ZDHHC16: variants seen among roughly 807,000 people sequenced by gnomAD.
The protein encoded by ZDHHC16 is palmitoyltransferase ZDHHC16.
A neutral mutation model predicts 54.4 loss-of-function variants in ZDHHC16; 33 were observed. The observed-to-expected ratio is 0.61, with a 90% CI of 0.46 to 0.81. ZDHHC16 has a LOEUF of 0.81. Among genes scored for constraint, ZDHHC16 ranks in the 30% least tolerant of loss-of-function variants. The probability of loss-of-function intolerance (pLI) is 0.00; values close to 1 mark genes in which losing one functional copy is unlikely to be tolerated. For synonymous variants in ZDHHC16, 185 were observed against 182.1 expected (o/e 1.02, Z -0.13); for missense variants, 420 against 485.9 (o/e 0.86, Z 1.28).
At position 97,456,993 on chromosome 10, in the gene ZDHHC16, C is replaced by A; in HGVS notation, c.*102C>A. The A allele has an allele frequency of 1.1e-6, 1 of 899,266 alleles. No homozygotes were observed. The highest frequency in any genetic ancestry group is 1.6e-6 in the Non-Finnish European group (1 of 613,382). The allele number at this position is 899,266 out of a possible 1,614,324, so 55.7% of individuals were successfully genotyped here. A position where few individuals can be genotyped will look rare whatever the true frequency, so the allele number is the denominator to read the frequency against. On this transcript the variant is annotated 3_prime_UTR_variant, in exon 12 of 12. Transcript: ENST00000393760. Reference sequence around the variant, plus strand: ...TCTCAGAATCCTTGATCAAAAAGAGCCAGTGGGCCTGCCTTAGGGTACCAT... The same window carrying A: ...TCTCAGAATCCTTGATCAAAAAGAGACAGTGGGCCTGCCTTAGGGTACCAT...
chr10:97,448,068 C>G (rs1821676205), intron 1 of ZDHHC16: 1 of 152,230 alleles, frequency 6.6e-6, no homozygotes, highest in African/African-American at 2.4e-5. Context: ...ATCTGTGCGT[C>G]TAGGAGCTTT....
Position 97,453,573 on chromosome 10 carries a change from C to G in ZDHHC16, c.600C>G (p.Phe200Leu). 6.2e-7 allele frequency: 1 copy of G among 1,614,198 alleles called. No individual in the cohort carries two copies. The highest frequency in any genetic ancestry group is 8.5e-7 in the Non-Finnish European group (1 of 1,180,040). Residue 200 changes from phenylalanine to leucine, a missense_variant, in exon 7 of 12, where the codon TTC becomes TTG. Coordinates refer to ENST00000393760, the MANE Select transcript of ZDHHC16 (RefSeq NM_198046.3). ...TGGGCCACTATAACCATCGGTACTT[C>G]TTCTCTTTCTGCTTTTTCATGACTC... The part of the protein sequence containing the change: ...NCVGHYNHRY[F>L]FSFCFFMTLG...
chr10:97,452,426 T>A lies in ZDHHC16; in HGVS notation c.450T>A (p.Asp150Glu). 1 of 1,614,136 alleles carries A rather than the reference T, an allele frequency of 6.2e-7. No homozygotes were observed. The highest frequency in any genetic ancestry group is 8.5e-7 in the Non-Finnish European group (1 of 1,180,012). Residue 150 changes from aspartate to glutamate, a missense_variant, in exon 5 of 12, where the codon GAT becomes GAA. Physicochemically the swap from Asp to Glu is conservative, Grantham distance 45. Transcript: ENST00000393760. Reference protein sequence around the residue: ...PPGYPPQGRNDIATVSICKKC... With the variant: ...PPGYPPQGRNEIATVSICKKC... ...CTCCCTTCACACAGGGCAGGAATGATATCGCCACCGTCTCCATCTGTAAGA... is the reference window on the plus strand; with the variant it reads ...CTCCCTTCACACAGGGCAGGAATGAAATCGCCACCGTCTCCATCTGTAAGA...
At position 97,452,880 on chromosome 10, in the gene ZDHHC16, G is replaced by T; in HGVS notation, c.528-15G>T. 1 of 1,614,212 alleles carries T rather than the reference G, an allele frequency of 6.2e-7. No homozygotes were observed. Among genetic ancestry groups the T allele is most frequent in the Non-Finnish European group, 8.5e-7 (1 of 1,180,032 alleles). Reference sequence around the variant, plus strand: ...CTTTGGCCACCGTAACAGAGCCTGTGTCCCTTCCTCACAGGTGTGTGCTGA... The same window carrying T: ...CTTTGGCCACCGTAACAGAGCCTGTTTCCCTTCCTCACAGGTGTGTGCTGA... On this transcript the variant is annotated splice_polypyrimidine_tract_variant and intron_variant, in intron 5 of 11. Coordinates refer to ENST00000393760, the MANE Select transcript of ZDHHC16 (RefSeq NM_198046.3).
intron 5 of ZDHHC16, 188 bp from the exon 6 acceptor site, chr10:97,452,707 G>A: frequency 2.1e-6 from 2 of 934,530 alleles, no homozygotes; most frequent in Non-Finnish European, 1.6e-6. Context: ...GGTTTGGAGA[G>A]ATGAGTTACC....
intron 2 of ZDHHC16, chr10:97,451,300 C>T (rs1782838277): frequency 4.8e-6 from 1 of 209,158 alleles, no homozygotes; most frequent in Non-Finnish European, 9.6e-6. Context: ...ACACTCCACC[C>T]AAAAGTCTGT....
intron 9 of ZDHHC16, 101 bp from the exon 10 acceptor site, chr10:97,455,554 TAGGTA>T (rs748327665): frequency 8.3e-5 from 131 of 1,578,092 alleles, no homozygotes; most frequent in Non-Finnish European, 1.1e-4. Context: ...GAGGAAGACT[TAGGTA>T]GAGAGGTTCC....
At position 97,451,724 on chromosome 10, in the gene ZDHHC16, C is replaced by G. The variant is rs376949987; in HGVS notation, c.49C>G (p.Arg17Gly). Reference protein sequence around the residue: ...LLLGPARLCLRLLLLLGYRRR... With the variant: ...LLLGPARLCLGLLLLLGYRRR... ...GCTGGGCCCGGCCCGCCTCTGCCTC[C>G]GCCTCCTTCTGCTGCTGGGTTACAG... is the stretch of plus-strand genomic sequence containing the variant. The change falls in exon 3 of 12, where the codon CGC (arginine) becomes GGC (glycine). Residue 17 changes from arginine to glycine, a missense_variant. Arg to Gly is a moderately radical substitution (Grantham distance 125). Transcript: ENST00000393760. 1.7e-5 allele frequency: 28 copies of G among 1,613,210 alleles called. No homozygotes were observed. Among genetic ancestry groups the G allele is most frequent in the African/African-American group, 2.7e-5 (2 of 74,928 alleles).
intron 11 of ZDHHC16, 118 bp from the exon 12 acceptor site, chr10:97,456,659 C>T: frequency 1.4e-6 from 1 of 698,206 alleles, no homozygotes. Flanking sequence ...ACTTTTGTTA[C>T]TTTCATGATT....
intron 2 of ZDHHC16, 51 bp from the exon 3 acceptor site, chr10:97,451,620 G>A (rs1846618325): frequency 6.4e-7 from 1 of 1,565,282 alleles, no homozygotes. Context: ...CCACTAGCGG[G>A]GTAGGGAGGG....
intron 1 of ZDHHC16, chr10:97,448,143 G>A (rs1039649834): frequency 2.0e-5 from 3 of 152,196 alleles, no homozygotes; most frequent in African/African-American, 7.2e-5. Context: ...TAGCTCCTAA[G>A]TGCCATGATT....
chr10:97,446,417 C>T, intron 1 of ZDHHC16, 64 bp downstream of exon 1: 1 of 242,330 alleles, frequency 4.1e-6, no homozygotes, highest in Non-Finnish European at 8.1e-6. Context: ...GGGCACTGCC[C>T]TGGGGCCTTG....
At position 97,450,354 on chromosome 10, in the gene ZDHHC16, A is replaced by G; in HGVS notation, c.-185-3A>G. On this transcript the variant is annotated splice_region_variant and splice_polypyrimidine_tract_variant and intron_variant, in intron 1 of 11. Coordinates refer to ENST00000393760, the MANE Select transcript of ZDHHC16 (RefSeq NM_198046.3). The stretch of plus-strand genomic sequence containing the variant: ...GGAGGTAATTAAGTGTTTTCTTTGA[A>G]AGGTCTTTTGTGGGGATGAGCCAGG... 6.6e-6 allele frequency: 1 copy of G among 152,340 alleles called. No individual in the cohort carries two copies. The highest frequency in any genetic ancestry group is 1.5e-5 in the Non-Finnish European group (1 of 68,120). The allele number at this position is 152,340 out of a possible 1,614,324, so 9.4% of individuals were successfully genotyped here.
At chr10:97,454,588 ACTC>A in intron 8 of ZDHHC16, 123 bp from the exon 9 acceptor site, 1 of 853,562 alleles carries the variant, frequency 1.2e-6, no homozygotes, top group Non-Finnish European at 1.9e-6. Context: ...TGCTACCCTA[ACTC>A]CTCTGTGGCT....
At chr10:97,456,708 G>A in intron 11 of ZDHHC16, 69 bp from the exon 12 acceptor site, 1 of 1,178,352 alleles carries the variant, frequency 8.5e-7, no homozygotes. Flanking sequence ...ATGTATGCTT[G>A]TTAAGGAATG....
chr10:97,452,824 T>G, intron 5 of ZDHHC16, 71 bp from the exon 6 acceptor site: 1 of 1,601,460 alleles, frequency 6.2e-7, no homozygotes, highest in Non-Finnish European at 8.6e-7. Flanking sequence ...CTGGTCCTTG[T>G]AGGGAAGGAT....
In ZDHHC16 at chr10:97,453,826, C is replaced by G. The variant is rs775122953; in HGVS notation, c.718C>G (p.Leu240Val). ...EKMKQLDKNK[L>V]QAVANQTYHQ... is the part of the protein sequence containing the mutation. Reference sequence around the variant, plus strand: ...AATGAAACAGCTCGACAAGAACAAACTACAGGCGGTTGCCAACCAGGTGGG... The same window carrying G: ...AATGAAACAGCTCGACAAGAACAAAGTACAGGCGGTTGCCAACCAGGTGGG... The change falls in exon 8 of 12, where the codon CTA becomes GTA. Residue 240 changes from leucine (L) to valine (V), a missense_variant. By Grantham distance (32) the Leu-to-Val change is conservative. Transcript: ENST00000393760. 1.2e-6 allele frequency: 2 copies of G among 1,614,230 alleles called. No homozygotes were observed. Among genetic ancestry groups the G allele is most frequent in the Admixed American group, 1.7e-5 (1 of 60,030 alleles).
At chr10:97,452,019 CA>C (rs1846679334) in intron 3 of ZDHHC16, 70 bp from the exon 4 acceptor site, 7 of 1,602,658 alleles carry the variant, frequency 4.4e-6, no homozygotes, top group Non-Finnish European at 6.0e-6. Flanking sequence ...CCCCCACCCC[CA>C]GGGAAACTCC....
In ZDHHC16 at chr10:97,452,228, C is replaced by T. The variant is rs1243927325; in HGVS notation, c.382C>T (p.Leu128=). The T allele has an allele frequency of 1.9e-6, 3 of 1,614,026 alleles. No homozygotes were observed. Among genetic ancestry groups the T allele is most frequent in the South Asian group, 1.1e-5 (1 of 91,084 alleles). ...CTTCTATAGCCACTGGAATCTGATC[C>T]TGATTGTCTTCCACTACTACCAGGC... ...HFFYSHWNLI[L]IVFHYYQAIT... The change falls in exon 4 of 12, where the codon CTG becomes TTG. Residue 128 remains leucine (L), a synonymous_variant. Coordinates refer to ENST00000393760, the MANE Select transcript of ZDHHC16 (RefSeq NM_198046.3).
Sources: gnomAD v4.1 joint callset for allele counts on GRCh38, gnomAD v4.1.1 for gene constraint, MANE v1.5 for transcripts, NCBI Gene and HGNC (gene_info 2026-07-23, HGNC 2026-07-21) for gene names.